The following MID1 variants were observed in gnomAD, a reference collection of about 807,000 sequenced individuals.
MID1 encodes the protein E3 ubiquitin-protein ligase Midline-1.
MID1 carries 7 observed loss-of-function variants against 40.4 expected under a neutral mutation model. The ratio of observed to expected loss-of-function variants is 0.17; its 90% CI spans 0.10 to 0.33. The LOEUF is 0.33. Among genes scored for constraint, MID1 ranks in the 10% least tolerant of loss-of-function variants. MID1 has a pLI of 1.00. For synonymous variants in MID1, 229 were observed against 221.2 expected (o/e 1.04, Z -0.31); for missense variants, 367 against 558.5 (o/e 0.66, Z 3.46).
intron 1 of MID1, among the ~76,000 whole-genome samples, chrX:10,730,558 A>G (rs769454220): frequency 9.8e-4 from 100 of 102,223 alleles, no homozygotes; most frequent in African/African-American, 3.5e-3. Context: ...TTCAGATCAG[A>G]TACATCTTTT....
At chrX:10,543,366 A>G (rs1413268935) in intron 2 of MID1, among the ~76,000 whole-genome samples, 1 of 112,212 alleles carries the variant, frequency 8.9e-6, no homozygotes, top group Non-Finnish European at 1.9e-5. Context: ...AGTAGGAGTC[A>G]TAATAGTAAC....
chrX:10,777,353 A>T (rs942216960), intron 1 of MID1, among the ~76,000 whole-genome samples: 1 of 89,127 alleles, frequency 1.1e-5, no homozygotes, highest in Non-Finnish European at 2.2e-5. Context: ...GCCCGCCACC[A>T]TGCCCGGCTA....
At chrX:10,745,866 A>G (rs1318926336) in intron 1 of MID1, among the ~76,000 whole-genome samples, 1 of 112,406 alleles carries the variant, frequency 8.9e-6, no homozygotes, top group Non-Finnish European at 1.9e-5. Flanking sequence ...AGGGGGTTGA[A>G]TCAAAGATTT....
At chrX:10,501,086 G>A (rs1313885175) in intron 3 of MID1, among the ~76,000 whole-genome samples, 5 of 111,725 alleles carry the variant, frequency 4.5e-5, no homozygotes, top group African/African-American at 1.3e-4. Context: ...CGAGGCAGGC[G>A]GGTCACGAGG....
chrX:10,456,244 A>G (rs942298060), intron 8 of MID1, among the ~76,000 whole-genome samples: 2 of 112,414 alleles, frequency 1.8e-5, no homozygotes, highest in South Asian at 3.7e-4. Flanking sequence ...GGATACAAAC[A>G]CAACACAACA....
At chrX:10,526,441 C>A (rs1932833976) in intron 2 of MID1, among the ~76,000 whole-genome samples, 1 of 111,450 alleles carries the variant, frequency 9.0e-6, no homozygotes, top group Admixed American at 9.5e-5. Context: ...ATAGACATAA[C>A]CATTATAACG....
At chrX:10,546,496 C>T (rs1024430212) in intron 2 of MID1, among the ~76,000 whole-genome samples, 5 of 111,593 alleles carry the variant, frequency 4.5e-5, no homozygotes, top group African/African-American at 1.6e-4. Context: ...GTGAAACAAA[C>T]AAACCTATTT....
At chrX:10,652,922 C>G (rs777529190) in intron 1 of MID1, among the ~76,000 whole-genome samples, 4 of 112,253 alleles carry the variant, frequency 3.6e-5, no homozygotes, top group African/African-American at 1.3e-4. Flanking sequence ...TTGCTCCTCT[C>G]CTTTGTGGAG....
chrX:10,638,027 T>A (rs1371727152), intron 1 of MID1, among the ~76,000 whole-genome samples: 2 of 111,925 alleles, frequency 1.8e-5, no homozygotes, highest in Non-Finnish European at 3.8e-5. Flanking sequence ...TGGGAAAAGA[T>A]GGACAAAGTT....
intron 3 of MID1, among the ~76,000 whole-genome samples, chrX:10,506,636 T>G (rs938768899): frequency 9.0e-6 from 1 of 111,639 alleles, no homozygotes; most frequent in African/African-American, 3.3e-5. Context: ...ATAGGACCTG[T>G]GAGTGCAATA....
In MID1 at chrX:10,807,869, G is replaced by A. The variant is rs375684917; in HGVS notation, c.-187+25685C>T. 6.3e-5 allele frequency among the ~76,000 whole-genome samples: 7 copies of A among 111,957 alleles called. No homozygotes were observed. The East Asian group carries it at 1.7e-3, about 27-fold the overall frequency. On this transcript the variant is annotated intron_variant, in intron 1 of 10. Coordinates refer to the MID1 transcript ENST00000380785. Reference sequence around the variant, plus strand: ...GGGATTCAGGTGGAACATTTTTGGAGGCACATCCTAGAACTTCTGCCTACT... The same window carrying A: ...GGGATTCAGGTGGAACATTTTTGGAAGCACATCCTAGAACTTCTGCCTACT...
chrX:10,474,521 C>T (rs970010801), intron 6 of MID1, 102 bp downstream of exon 6: 1 of 893,892 alleles, frequency 1.1e-6, no homozygotes, highest in Middle Eastern at 2.9e-4. Flanking sequence ...ATTCCTAGGT[C>T]AAAAGCCCAT....
chrX:10,557,126 A>G (rs1406280698), intron 2 of MID1, among the ~76,000 whole-genome samples: 4 of 111,650 alleles, frequency 3.6e-5, no homozygotes, highest in Non-Finnish European at 3.8e-5. Flanking sequence ...GTACATGAAC[A>G]CAGCTCCAGG....
rs73479283 is a variant in MID1 at position 10,579,010 on chromosome X, A to G, written c.-56-11407T>C. ...TTATATACAATGTGCATGTATACAT[A>G]AGTACACATATACATATACAAAAGC... On this transcript the variant is annotated intron_variant, in intron 1 of 9. Coordinates refer to ENST00000317552, the MANE Select transcript of MID1 (RefSeq NM_000381.4). 6.8e-3 allele frequency among the ~76,000 whole-genome samples: 762 copies of G among 112,577 alleles called. 8 individuals carry two copies. The highest frequency in any genetic ancestry group is 0.023 in the African/African-American group (719 of 30,985).
At chrX:10,507,741 AAAG>A (rs1184988303) in intron 3 of MID1, among the ~76,000 whole-genome samples, 2 of 112,494 alleles carry the variant, frequency 1.8e-5, no homozygotes, top group African/African-American at 6.5e-5. Flanking sequence ...TAACATGCTA[AAAG>A]AAGAAATGTT....
intron 6 of MID1, among the ~76,000 whole-genome samples, chrX:10,473,103 T>A (rs1328970311): frequency 8.9e-6 from 1 of 112,985 alleles, no homozygotes; most frequent in Non-Finnish European, 1.9e-5. Context: ...TAAATTTCAA[T>A]TAAATTTAGT....
rs769314499 is a variant in MID1 at position 10,775,706 on chromosome X, C to T, written c.-187+57848G>A. On this transcript the variant is annotated intron_variant, in intron 1 of 10. Coordinates refer to the MID1 transcript ENST00000380785. The stretch of plus-strand genomic sequence containing the variant: ...TAATAAATGGGACCCTACAAGCTAG[C>T]CTTGGCCTTCCTGAAGATCAGCAAT... 7.2e-5 allele frequency among the ~76,000 whole-genome samples: 8 copies of T among 111,574 alleles called. No homozygotes were observed. The South Asian group carries it at 3.1e-3, about 43-fold the overall frequency.
At chrX:10,501,638 T>C in intron 3 of MID1, 1 of 841,162 alleles carries the variant, frequency 1.2e-6, no homozygotes, top group Non-Finnish European at 1.6e-6. Flanking sequence ...TGCCTAGTCC[T>C]GAGATGGAAT....
intron 1 of MID1, among the ~76,000 whole-genome samples, chrX:10,790,363 G>A (rs147497687): frequency 0.025 from 2,720 of 109,032 alleles, 30 homozygotes; most frequent in Non-Finnish European, 0.039. Context: ...TGCCCAGGCC[G>A]TGCTCTGCTT....
Sources: gnomAD v4.1 joint callset for allele counts (sites outside exome capture counted in the v4.1 genomes callset) on GRCh38, gnomAD v4.1.1 for gene constraint, MANE v1.5 for transcripts, NCBI Gene and HGNC (gene_info 2026-07-23, HGNC 2026-07-21) for gene names.